SLC71A2: variants seen among roughly 807,000 people sequenced by gnomAD.
SLC71A2 encodes the protein hippocampus abundant transcript-like 1.
the SLC71A2 span, among the ~76,000 whole-genome samples, chr9:94,455,373 T>C: frequency 3.3e-5 from 4 of 122,410 alleles, no homozygotes; most frequent in African/African-American, 1.4e-4. Context: ...CTGGCTAATA[T>C]TCTGATTTTT....
chr9:94,381,467 C>A, the SLC71A2 span, among the ~76,000 whole-genome samples: 2 of 150,912 alleles, frequency 1.3e-5, no homozygotes, highest in African/African-American at 4.9e-5. Flanking sequence ...GTAGTTCATT[C>A]TTTTTAATTA....
the SLC71A2 span, among the ~76,000 whole-genome samples, chr9:94,426,221 A>AGT: frequency 6.6e-6 from 1 of 151,868 alleles, no homozygotes; most frequent in Non-Finnish European, 1.5e-5. Context: ...CAATCCTGCA[A>AGT]GTATCCCACT....
the SLC71A2 span, among the ~76,000 whole-genome samples, chr9:94,384,327 C>T: frequency 6.8e-5 from 10 of 146,818 alleles, no homozygotes; most frequent in South Asian, 2.2e-3. Flanking sequence ...TGCCGTGTGT[C>T]AAATTTTCCT....
chr9:94,399,623 T>G, the SLC71A2 span, among the ~76,000 whole-genome samples: 1 of 152,184 alleles, frequency 6.6e-6, no homozygotes, highest in African/African-American at 2.4e-5. Context: ...CCATCCAGTT[T>G]ATTTAATTGG....
the SLC71A2 span, among the ~76,000 whole-genome samples, chr9:94,379,174 C>T: frequency 6.7e-6 from 1 of 150,198 alleles, no homozygotes; most frequent in Non-Finnish European, 1.5e-5. Context: ...ACAGCCTCTG[C>T]CTGCCGGGTT....
the SLC71A2 span, among the ~76,000 whole-genome samples, chr9:94,399,251 C>A: frequency 6.6e-6 from 1 of 152,152 alleles, no homozygotes. Flanking sequence ...GCTCCTCTTA[C>A]ATATTTCCCA....
the SLC71A2 span, among the ~76,000 whole-genome samples, chr9:94,388,854 A>G: frequency 6.6e-6 from 1 of 152,364 alleles, no homozygotes; most frequent in Non-Finnish European, 1.5e-5. Context: ...ACCAGTGGAA[A>G]GGATACATGA....
the SLC71A2 span, among the ~76,000 whole-genome samples, chr9:94,417,560 G>A: frequency 6.6e-6 from 1 of 152,280 alleles, no homozygotes; most frequent in East Asian, 1.9e-4. Flanking sequence ...CTGGGGGATG[G>A]AGGTTACAGT....
chr9:94,379,949 T>C, the SLC71A2 span, among the ~76,000 whole-genome samples: 1 of 152,190 alleles, frequency 6.6e-6, no homozygotes, highest in Non-Finnish European at 1.5e-5. Flanking sequence ...ACATGCTTTA[T>C]TACCCTATGG....
the SLC71A2 span, among the ~76,000 whole-genome samples, chr9:94,420,195 C>T: frequency 6.6e-6 from 1 of 152,162 alleles, no homozygotes; most frequent in East Asian, 1.9e-4. Flanking sequence ...CTTTTCAAGC[C>T]TCTTGTGGCT....
the SLC71A2 span, among the ~76,000 whole-genome samples, chr9:94,442,608 T>G: frequency 6.6e-6 from 1 of 152,214 alleles, no homozygotes; most frequent in African/African-American, 2.4e-5. Context: ...CTCAGCACTT[T>G]GAGAGGCTGA....
At chr9:94,383,995 A>G in the SLC71A2 span, among the ~76,000 whole-genome samples, 1 of 152,240 alleles carries the variant, frequency 6.6e-6, no homozygotes, top group Admixed American at 6.5e-5. Flanking sequence ...AAATTGTTTA[A>G]TTGTGGTAAA....
chr9:94,401,461 T>C, the SLC71A2 span, among the ~76,000 whole-genome samples: 1 of 152,100 alleles, frequency 6.6e-6, no homozygotes, highest in Non-Finnish European at 1.5e-5. Flanking sequence ...CGTGAGCCAC[T>C]GCGCCCAGCA....
chr9:94,410,557 A>G, the SLC71A2 span, among the ~76,000 whole-genome samples: 3 of 152,050 alleles, frequency 2.0e-5, no homozygotes, highest in East Asian at 3.9e-4. Flanking sequence ...CATTGTATAA[A>G]TGTTTTTAAT....
chr9:94,428,590 A>ACC, the SLC71A2 span, among the ~76,000 whole-genome samples: 147 of 116,050 alleles, frequency 1.3e-3, 3 homozygotes, highest in African/African-American at 4.5e-3. Context: ...ACATATGCAT[A>ACC]CCCCCCCCCC....
At chr9:94,444,726 T>G in the SLC71A2 span, among the ~76,000 whole-genome samples, 1 of 152,256 alleles carries the variant, frequency 6.6e-6, no homozygotes, top group Non-Finnish European at 1.5e-5. Flanking sequence ...GTTAATAGTT[T>G]ATGAACACAT....
the SLC71A2 span, chr9:94,453,881 G>T: frequency 0.17 from 167,326 of 963,110 alleles, 15,616 homozygotes; most frequent in Middle Eastern, 0.28. Flanking sequence ...ATCAGGGAAG[G>T]GTCTTCACAC....
the SLC71A2 span, chr9:94,451,596 C>G: frequency 1.2e-6 from 1 of 811,768 alleles, no homozygotes; most frequent in Non-Finnish European, 1.9e-6. Flanking sequence ...TCACAGGAAG[C>G]CACATATAAA....
chr9:94,439,170 C>T, the SLC71A2 span, among the ~76,000 whole-genome samples: 38 of 151,886 alleles, frequency 2.5e-4, 1 homozygote, highest in African/African-American at 6.8e-4. Flanking sequence ...TACAGACGCC[C>T]GGCTAATTTT....
Sources: allele counts gnomAD v4.1 joint callset (sites outside exome capture counted in the v4.1 genomes callset), GRCh38; gene constraint gnomAD v4.1.1; transcripts MANE v1.5; gene names NCBI Gene and HGNC (gene_info 2026-07-23, HGNC 2026-07-21).